BICRAL: variants seen among roughly 807,000 people sequenced by gnomAD.
BICRAL encodes the protein BICRA like chromatin remodeling complex associated protein.
A neutral mutation model predicts 91.8 loss-of-function variants in BICRAL; 8 were observed. That is an observed-to-expected ratio of 0.09 (90% CI 0.05 to 0.16). The LOEUF (loss-of-function observed/expected upper bound fraction) is 0.16, where lower values mean the gene tolerates loss of function less well. Ranked by LOEUF, BICRAL falls within the 10% of genes least tolerant of loss-of-function variation. The probability of loss-of-function intolerance (pLI) is 1.00; values close to 1 mark genes in which losing one functional copy is unlikely to be tolerated. For missense variants in BICRAL, 1,038 were observed against 1,310.9 expected, an observed-to-expected ratio of 0.79 and a Z score of 3.21; for synonymous variants, 445 against 491.1, an observed-to-expected ratio of 0.91 and a Z score of 1.24.
At chr6:42,850,751 G>C (rs985370970) in intron 6 of BICRAL, among the ~76,000 whole-genome samples, 1 of 151,840 alleles carries the variant, frequency 6.6e-6, no homozygotes, top group Admixed American at 6.6e-5. Flanking sequence ...AGGCATGGTG[G>C]CACACTATTT....
At chr6:42,758,760 G>A (rs1762499070) in intron 1 of BICRAL, among the ~76,000 whole-genome samples, 1 of 151,828 alleles carries the variant, frequency 6.6e-6, no homozygotes, top group South Asian at 2.1e-4. Context: ...CTATCCAGGT[G>A]AAGGGTGAAA....
intron 2 of BICRAL, among the ~76,000 whole-genome samples, chr6:42,818,124 G>A (rs1355472040): frequency 6.6e-6 from 1 of 152,108 alleles, no homozygotes; most frequent in African/African-American, 2.4e-5. Context: ...TCCTGTCAGT[G>A]TATAAAAGTT....
chr6:42,860,315 A>G lies in BICRAL; in HGVS notation c.2308A>G (p.Met770Val), dbSNP rs1765516101. Residue 770 changes from methionine (M) to valine (V), a missense_variant, in exon 11 of 13, where the codon ATG (methionine) becomes GTG (valine). By Grantham distance (21) the Met-to-Val change is conservative. Around this residue, in one of 5 missense-constraint regions of BICRAL, gnomAD observed 294 missense variants for 292.6 expected, o/e 1.00. Transcript: ENST00000314073. ...ATQLLKRTQAMLNKYRCLLLE... is the reference protein window; with the variant it reads ...ATQLLKRTQAVLNKYRCLLLE... ...TCAGCTCCTAAAAAGGACCCAAGCT[A>G]TGCTTAACAAATACAGATGCCTGCT... 1.2e-6 allele frequency: 2 copies of G among 1,610,938 alleles called. No individual in the cohort carries two copies. The highest frequency in any genetic ancestry group is 2.2e-5 in the East Asian group (1 of 44,844).
Position 42,864,925 on chromosome 6 carries a change from G to A in BICRAL, c.2719G>A (p.Asp907Asn). Residue 907 changes from aspartate to asparagine, a missense_variant, in exon 13 of 13, where the codon GAC becomes AAC. Asp to Asn is a conservative substitution (Grantham distance 23). Around this residue, in one of 5 missense-constraint regions of BICRAL, gnomAD observed 294 missense variants for 292.6 expected, o/e 1.00. Transcript: ENST00000314073. ...ATGCCTTGGCAGAGCACTGAAATTT[G>A]ACAAAGTGGGCTTAGTGCAGTACCA... ...TECLGRALKF[D>N]KVGLVQYQST... is the part of the protein sequence containing the mutation. The A allele has an allele frequency of 6.2e-7, 1 of 1,614,180 alleles. No homozygotes were observed. Among genetic ancestry groups the A allele is most frequent in the Non-Finnish European group, 8.5e-7 (1 of 1,180,040 alleles).
At chr6:42,750,388 TC>T (rs1463523154) in intron 1 of BICRAL, among the ~76,000 whole-genome samples, 12 of 151,446 alleles carry the variant, frequency 7.9e-5, no homozygotes, top group African/African-American at 2.9e-4. Context: ...GGTCTTAAAC[TC>T]TTGGGCTCAA....
At chr6:42,801,713 C>A (rs1365583418) in intron 1 of BICRAL, among the ~76,000 whole-genome samples, 1 of 151,474 alleles carries the variant, frequency 6.6e-6, no homozygotes, top group Non-Finnish European at 1.5e-5. Flanking sequence ...AAAACCCTGT[C>A]TCTACTAAAC....
intron 2 of BICRAL, among the ~76,000 whole-genome samples, chr6:42,817,215 G>A (rs1764019579): frequency 6.6e-6 from 1 of 151,136 alleles, no homozygotes; most frequent in South Asian, 2.1e-4. Flanking sequence ...ACACATTTGG[G>A]AACATAATGT....
chr6:42,845,248 T>TTTA (rs761742281), intron 6 of BICRAL, among the ~76,000 whole-genome samples: 5 of 105,456 alleles, frequency 4.7e-5, no homozygotes, highest in South Asian at 3.3e-4. Context: ...TTTTTTTTTT[T>TTTA]AGACAGAGTT....
chr6:42,755,249 G>A (rs1762441619), intron 1 of BICRAL, among the ~76,000 whole-genome samples: 1 of 152,136 alleles, frequency 6.6e-6, no homozygotes. Context: ...AGCTTCCCAG[G>A]TGGGGCAATC....
intron 1 of BICRAL, among the ~76,000 whole-genome samples, chr6:42,789,114 C>T (rs1174638788): frequency 6.6e-6 from 1 of 152,122 alleles, no homozygotes; most frequent in African/African-American, 2.4e-5. Flanking sequence ...CCATGAAAAT[C>T]ATTACTGGCT....
At chr6:42,781,522 A>C (rs1046706041), upstream of BICRAL, among the ~76,000 whole-genome samples, 1 of 142,786 alleles carries the variant, frequency 7.0e-6, no homozygotes, top group African/African-American at 2.6e-5. Context: ...GTTCTAAACA[A>C]ATCTTGTAGG....
At chr6:42,837,906 G>C (rs202198526) in intron 6 of BICRAL, among the ~76,000 whole-genome samples, 1 of 152,222 alleles carries the variant, frequency 6.6e-6, no homozygotes, top group East Asian at 1.9e-4. Context: ...CCTCACTTTT[G>C]TATTGGGAAA....
chr6:42,847,638 G>A (rs1002180890), intron 6 of BICRAL, among the ~76,000 whole-genome samples: 2 of 149,362 alleles, frequency 1.3e-5, no homozygotes, highest in African/African-American at 2.5e-5. Flanking sequence ...AATTAGCCAG[G>A]CATTGGCCAG....
At chr6:42,782,895 T>C (rs548303357) in intron 1 of BICRAL, among the ~76,000 whole-genome samples, 1 of 150,364 alleles carries the variant, frequency 6.7e-6, no homozygotes, top group African/African-American at 2.5e-5. Flanking sequence ...TTTCCCCCCC[T>C]CGTTTCTTTT....
intron 1 of BICRAL, among the ~76,000 whole-genome samples, chr6:42,760,476 G>A (rs1762528078): frequency 6.6e-6 from 1 of 152,114 alleles, no homozygotes; most frequent in African/African-American, 2.4e-5. Context: ...AGTTAAAGAG[G>A]TAGGTGCCTT....
chr6:42,770,983 T>TC (rs1195598180), intron 1 of BICRAL, among the ~76,000 whole-genome samples: 2 of 152,256 alleles, frequency 1.3e-5, no homozygotes, highest in East Asian at 1.9e-4. Context: ...CACCCGGCCC[T>TC]CCCCTCTCTG....
intron 1 of BICRAL, among the ~76,000 whole-genome samples, chr6:42,775,666 T>A (rs1478931437): frequency 2.6e-5 from 4 of 152,248 alleles, no homozygotes; most frequent in East Asian, 3.9e-4. Flanking sequence ...GCTTTTTTTT[T>A]ATTATTAACA....
Position 42,857,217 on chromosome 6 carries a change from TGAA to T in BICRAL, c.2241_2243del (p.Glu747del). 6.2e-7 allele frequency: 1 copy of T among 1,613,386 alleles called. No homozygotes were observed. Among genetic ancestry groups the T allele is most frequent in the East Asian group, 2.2e-5 (1 of 44,848 alleles). On this transcript the variant is annotated inframe_deletion, in exon 10 of 13. Transcript: ENST00000314073. ...ACGTGTGCCAGGGCTCCATGCCCAC[TGAA>T]GAAGACTTGAGAAAAGGTAAGCAGG...
intron 7 of BICRAL, 34 bp downstream of exon 7, chr6:42,852,231 C>A: frequency 1.6e-6 from 2 of 1,220,898 alleles, no homozygotes; most frequent in Non-Finnish European, 2.4e-6. Context: ...CCTGTCCTCC[C>A]AACACCACGG....
Sources: gnomAD v4.1 joint callset for allele counts (sites outside exome capture counted in the v4.1 genomes callset) on GRCh38, gnomAD v4.1.1 for gene constraint, gnomAD v4.1.1 regional missense constraint, MANE v1.5 for transcripts, NCBI Gene and HGNC (gene_info 2026-07-23, HGNC 2026-07-21) for gene names.